ENC1: variants seen among roughly 807,000 people sequenced by gnomAD.
The protein encoded by ENC1 is ectodermal-neural cortex 1.
Under a neutral mutation model 40.9 loss-of-function variants are expected in ENC1, and 19 were observed. The observed-to-expected ratio is 0.46, with a 90% confidence interval of 0.32 to 0.68. The LOEUF (loss-of-function observed/expected upper bound fraction) is 0.68. Ranked by LOEUF, ENC1 falls within the 30% of genes least tolerant of loss-of-function variation. ENC1 has a pLI of 0.03. For missense variants in ENC1, 479 were observed against 737.5 expected (o/e 0.65, Z 4.06); for synonymous variants, 285 against 291.1 (o/e 0.98, Z 0.21).
chr5:74,629,943 G>A lies in ENC1; in HGVS notation c.*82C>T, dbSNP rs183341414. The A allele has an allele frequency of 6.7e-6, 1 of 150,296 alleles. No homozygotes were observed. Among genetic ancestry groups the A allele is most frequent in the Non-Finnish European group, 1.5e-5 (1 of 67,856 alleles). 9.3% of individuals were successfully genotyped at this position (150,296 alleles called of 1,614,324 possible). A position where few individuals can be genotyped will look rare whatever the true frequency, so the allele number is the denominator to read the frequency against. ...CCTTTTTTTCTCTTCATTAGACTTGGCCTCTCCGAAGTAGAAATCTCATAT... is the reference window on the plus strand; with the variant it reads ...CCTTTTTTTCTCTTCATTAGACTTGACCTCTCCGAAGTAGAAATCTCATAT... On this transcript the variant is annotated 3_prime_UTR_variant, in exon 3 of 3. Transcript: ENST00000302351.
chr5:74,635,797 G>A lies in ENC1; in HGVS notation c.689C>T (p.Pro230Leu). Reference protein sequence around the residue: ...YDLKKRYCYLPELLQTVRLAL... With the variant: ...YDLKKRYCYLLELLQTVRLAL... ...CAGCCTTACTGTCTGCAACAGTTCT[G>A]GGAGGTAGCAATAGCGCTTCTTCAG... Residue 230 changes from proline to leucine, a missense_variant, in exon 2 of 3, where the codon CCA (proline) becomes CTA (leucine). By Grantham distance (98) the Pro-to-Leu change is moderately conservative (BLOSUM62 -3). Transcript: ENST00000302351. The surrounding 1 kb of genome is among the most constrained non-coding windows in gnomAD (Gnocchi z 5.5). 6.2e-7 allele frequency: 1 copy of A among 1,614,064 alleles called. No individual in the cohort carries two copies. The highest frequency in any genetic ancestry group is 8.5e-7 in the Non-Finnish European group (1 of 1,179,984).
In ENC1 at chr5:74,634,687, A is replaced by G. The variant is rs745534462; in HGVS notation, c.*29T>C. ...CATCTATAGCTAAACTTCTTACCTC[A>G]TGCTCACTCTCTTTAGAATGTACTG... On this transcript the variant is annotated 3_prime_UTR_variant, in exon 2 of 3. Transcript: ENST00000302351. The G allele has an allele frequency of 2.0e-6, 3 of 1,487,960 alleles. No individual in the cohort carries two copies. Among genetic ancestry groups the G allele is most frequent in the South Asian group, 1.2e-5 (1 of 86,156 alleles). 92.2% of individuals were successfully genotyped at this position (1,487,960 alleles called of 1,614,324 possible).
rs1747299478 is a variant in ENC1 at position 74,629,052 on chromosome 5, C to A, written c.*973G>T. ...TTACCCTATCAGCACAACCAAACCC[C>A]ATGAAATCCCATTAAAAGTTGGTGA... On this transcript the variant is annotated 3_prime_UTR_variant, in exon 3 of 3. Transcript: ENST00000302351. 1 of 152,192 alleles carries A rather than the reference C, an allele frequency of 6.6e-6. No individual in the cohort carries two copies. The highest frequency in any genetic ancestry group is 1.9e-4 in the East Asian group (1 of 5,190). 9.4% of individuals were successfully genotyped at this position (152,192 alleles called of 1,614,324 possible). A position where few individuals can be genotyped will look rare whatever the true frequency, so the allele number is the denominator to read the frequency against.
rs1747517407 is a variant in ENC1, at chr5:74,634,841, T to C, written c.1645A>G (p.Ile549Val). 1 of 1,614,186 alleles carries C rather than the reference T, an allele frequency of 6.2e-7. No homozygotes were observed. The highest frequency in any genetic ancestry group is 1.3e-5 in the African/African-American group (1 of 75,052). ...KLYVVGGYFGIQRCKTLDCYD... is the reference protein window; with the variant it reads ...KLYVVGGYFGVQRCKTLDCYD... ...CAGTCCAAAGTCTTGCATCGCTGAA[T>C]GCCAAAGTATCCTCCAACCACGTAG... Residue 549 changes from isoleucine to valine, a missense_variant, in exon 2 of 3, where the codon ATT (isoleucine) becomes GTT (valine). Physicochemically the swap from Ile to Val is conservative, Grantham distance 29 (BLOSUM62 3). Transcript: ENST00000302351.
chr5:74,632,575 C>T lies in ENC1; in HGVS notation c.*32+2109G>A, dbSNP rs139626805. ...GTAAAAAAAATAGCAAGCTGGAGGC[C>T]AAGTGCGGTGGCTCACGCCTGTAAT... On this transcript the variant is annotated intron_variant, in intron 2 of 2. Transcript: ENST00000302351. Among the ~76,000 whole-genome samples the T allele has an allele frequency of 8.7e-4, 133 of 152,278 alleles. 2 individuals carry two copies. The East Asian group carries it at 8.9e-3, about 10-fold the overall frequency.
intron 2 of ENC1, among the ~76,000 whole-genome samples, chr5:74,630,483 C>A (rs1747355203): frequency 6.6e-6 from 1 of 152,126 alleles, no homozygotes; most frequent in African/African-American, 2.4e-5. Flanking sequence ...TTAACTTTAC[C>A]ATCTAGGAGG....
At chr5:74,634,218 C>T (rs1747491487) in intron 2 of ENC1, among the ~76,000 whole-genome samples, 1 of 152,030 alleles carries the variant, frequency 6.6e-6, no homozygotes, top group Non-Finnish European at 1.5e-5. Context: ...TCAAGACCAT[C>T]CTGGCCAACA....
intron 1 of ENC1, among the ~76,000 whole-genome samples, chr5:74,638,327 CA>C (rs1477219166): frequency 2.0e-5 from 3 of 152,230 alleles, no homozygotes; most frequent in African/African-American, 7.2e-5. Flanking sequence ...CAGAAAACCA[CA>C]AAGGCAGGGG....
At chr5:74,630,138 G>A (rs1030383791) in intron 2 of ENC1, 146 bp from the exon 3 acceptor site, 1 of 152,114 alleles carries the variant, frequency 6.6e-6, no homozygotes, top group Non-Finnish European at 1.5e-5. Flanking sequence ...TGCTTCCAAA[G>A]GTCTTACATG....
Position 74,635,106 on chromosome 5 carries a change from G to C in ENC1, c.1380C>G (p.Pro460=), listed in dbSNP as rs765338534. The C allele has an allele frequency of 6.2e-7, 1 of 1,614,200 alleles. No homozygotes were observed. The highest frequency in any genetic ancestry group is 1.1e-5 in the South Asian group (1 of 91,076). The change falls in exon 2 of 3, where the codon CCC becomes CCG. Residue 460 remains proline, a synonymous_variant. Coordinates refer to ENST00000302351, the MANE Select transcript of ENC1 (RefSeq NM_003633.4). This position sits in a 1 kb window ranked among gnomAD's most constrained non-coding sequence, Gnocchi z 5.5. The part of the protein sequence containing the change: ...GGTSVSHDKL[P]KVQCYDQCEN... ...CACACTGATCGTAACACTGAACTTTGGGGAGCTTGTCATGACTGACACTGG... is the reference window on the plus strand; with the variant it reads ...CACACTGATCGTAACACTGAACTTTCGGGAGCTTGTCATGACTGACACTGG...
At chr5:74,632,834 G>A (rs1246836132) in intron 2 of ENC1, among the ~76,000 whole-genome samples, 2 of 152,180 alleles carry the variant, frequency 1.3e-5, no homozygotes, top group Non-Finnish European at 2.9e-5. Context: ...CTGGGAAATA[G>A]AATAAGACTC....
At position 74,629,087 on chromosome 5, in the gene ENC1, A is replaced by C. The variant is rs1344531654; in HGVS notation, c.*938T>G. On this transcript the variant is annotated 3_prime_UTR_variant, in exon 3 of 3. Transcript: ENST00000302351. Reference sequence around the variant, plus strand: ...CATTAAAAGTTGGTGAGTCTGAGAAAAGCGATCTCCACGGTTTCTCTACCT... The same window carrying C: ...CATTAAAAGTTGGTGAGTCTGAGAACAGCGATCTCCACGGTTTCTCTACCT... 6.6e-6 allele frequency: 1 copy of C among 152,034 alleles called. No individual in the cohort carries two copies. The highest frequency in any genetic ancestry group is 1.5e-5 in the Non-Finnish European group (1 of 68,008). 9.4% of individuals were successfully genotyped at this position (152,034 alleles called of 1,614,324 possible).
In ENC1 at chr5:74,635,375, C is replaced by G. The variant is rs1747544386; in HGVS notation, c.1111G>C (p.Ala371Pro). 4 of 1,614,076 alleles carry G rather than the reference C, an allele frequency of 2.5e-6. No individual in the cohort carries two copies. Among genetic ancestry groups the G allele is most frequent in the East Asian group, 2.2e-5 (1 of 44,888 alleles). ...YDTLHEEWSKAAPMLVARFGH... is the reference protein window; with the variant it reads ...YDTLHEEWSKPAPMLVARFGH... ...AACCTGGCCACCAGCATGGGGGCAG[C>G]CTTGGACCACTCCTCGTGCAGGGTA... The change falls in exon 2 of 3, where the codon GCT (alanine) becomes CCT (proline). Residue 371 changes from alanine (A) to proline (P), a missense_variant. Coordinates refer to ENST00000302351, the MANE Select transcript of ENC1 (RefSeq NM_003633.4). The surrounding 1 kb of genome is among the most constrained non-coding windows in gnomAD (Gnocchi z 5.5).
At chr5:74,633,937 C>T (rs1271690862) in intron 2 of ENC1, among the ~76,000 whole-genome samples, 5 of 152,172 alleles carry the variant, frequency 3.3e-5, no homozygotes, top group African/African-American at 9.7e-5. Context: ...GTGGGAAACA[C>T]GTGGCACCGC....
intron 1 of ENC1, among the ~76,000 whole-genome samples, chr5:74,638,576 C>T (rs1055581975): frequency 6.6e-6 from 1 of 152,198 alleles, no homozygotes; most frequent in African/African-American, 2.4e-5. Context: ...CTACTGTCTA[C>T]TCCATTCTAA....
chr5:74,638,501 C>T (rs945667729), intron 1 of ENC1, among the ~76,000 whole-genome samples: 1 of 152,192 alleles, frequency 6.6e-6, no homozygotes, highest in East Asian at 1.9e-4. Flanking sequence ...CCAGTAATTT[C>T]CACAGTGACT....
chr5:74,632,322 A>T (rs1258610927), intron 2 of ENC1: 1 of 152,240 alleles, frequency 6.6e-6, no homozygotes, highest in Non-Finnish European at 1.5e-5. Context: ...TCATGCATTC[A>T]TATCTCAAAT....
chr5:74,639,569 T>G lies in ENC1; in HGVS notation c.-14+738A>C, dbSNP rs185080364. On this transcript the variant is annotated intron_variant, in intron 1 of 2. Coordinates refer to ENST00000302351, the MANE Select transcript of ENC1 (RefSeq NM_003633.4). ...TCAAAAGAGAAACTAAGCAGATTTT[T>G]TTCTGGGCATTTACATTACCGGTAA... Among the ~76,000 whole-genome samples the G allele has an allele frequency of 5.9e-5, 9 of 152,358 alleles. No homozygotes were observed. The East Asian group carries it at 1.7e-3, about 29-fold the overall frequency.
intron 1 of ENC1, among the ~76,000 whole-genome samples, chr5:74,639,301 G>C (rs910058736): frequency 6.6e-6 from 1 of 152,154 alleles, no homozygotes. Context: ...ATCATCTTTC[G>C]AGCATTTTTA....
Sources: gnomAD v4.1 joint callset for allele counts (sites outside exome capture counted in the v4.1 genomes callset) on GRCh38, gnomAD v4.1.1 for gene constraint, Gnocchi (gnomAD v3.1) non-coding constraint, MANE v1.5 for transcripts, NCBI Gene and HGNC (gene_info 2026-07-23, HGNC 2026-07-21) for gene names.